Variants in ATP1A1 observed in about 807,000 individuals in gnomAD.
The protein encoded by ATP1A1 is ATPase Na+/K+ transporting subunit alpha 1.
In ATP1A1, 14 loss-of-function variants were observed where a neutral mutation model predicts 114.8. That is an observed-to-expected ratio of 0.12 (90% CI 0.08 to 0.19). The LOEUF is 0.19. Among genes scored for constraint, ATP1A1 ranks in the 10% least tolerant of loss-of-function variants. ATP1A1 has a pLI of 1.00. For missense variants in ATP1A1, 524 were observed against 1,290.7 expected (o/e 0.41, Z 9.10); for synonymous variants, 471 against 466.3 (o/e 1.01, Z -0.13).
At chr1:116,391,668 AT>A (rs1652479860) in intron 10 of ATP1A1, among the ~76,000 whole-genome samples, 1 of 152,210 alleles carries the variant, frequency 6.6e-6, no homozygotes. Flanking sequence ...GATAGGGTTC[AT>A]TTATTCTGCA....
Position 116,401,575 on chromosome 1 carries a change from C to T in ATP1A1, c.2871C>T (p.Gly957=), listed in dbSNP as rs778468462. The change falls in exon 21 of 23, where the codon GGC becomes GGT. Residue 957 remains glycine, a synonymous_variant. Transcript: ENST00000295598. The surrounding 1 kb of genome is among the most constrained non-coding windows in gnomAD (Gnocchi z 4.7). ...QGMKNKILIF[G]LFEETALAAF... ...TTAGGAACAAGATCTTGATATTTGG[C>T]CTCTTTGAAGAGACAGCCCTGGCTG... 6.2e-7 allele frequency: 1 copy of T among 1,614,196 alleles called. No homozygotes were observed. Among genetic ancestry groups the T allele is most frequent in the South Asian group, 1.1e-5 (1 of 91,080 alleles).
At position 116,397,807 on chromosome 1, in the gene ATP1A1, A is replaced by G. The variant is rs1311359697; in HGVS notation, c.1974-81A>G. On this transcript the variant is annotated intron_variant, in intron 14 of 22. Coordinates refer to ENST00000295598, the MANE Select transcript of ATP1A1 (RefSeq NM_000701.8). This position sits in a 1 kb window ranked among gnomAD's most constrained non-coding sequence, Gnocchi z 4.2. ...GTTTTGTTTACAAAGTGATCTGCAT[A>G]AGAATATCCCCTCTTGAGGTGATGG... 3.7e-5 allele frequency: 56 copies of G among 1,497,464 alleles called. No homozygotes were observed. The highest frequency in any genetic ancestry group is 2.1e-5 in the Non-Finnish European group (23 of 1,110,852). 92.8% of individuals were successfully genotyped at this position (1,497,464 alleles called of 1,614,324 possible). A position where few individuals can be genotyped will look rare whatever the true frequency, so the allele number is the denominator to read the frequency against.
At chr1:116,394,793 A>G (rs1652770786) in intron 12 of ATP1A1, among the ~76,000 whole-genome samples, 1 of 152,188 alleles carries the variant, frequency 6.6e-6, no homozygotes, top group African/African-American at 2.4e-5. Context: ...TGTCATCATC[A>G]GTGGGCAAGT....
chr1:116,374,533 G>A (rs1180530818), intron 1 of ATP1A1, among the ~76,000 whole-genome samples: 3 of 152,210 alleles, frequency 2.0e-5, no homozygotes, highest in African/African-American at 7.2e-5. Flanking sequence ...AGAGCGGCGC[G>A]GAGCGTGGTG....
At chr1:116,382,244 G>GT (rs1355919672) in intron 1 of ATP1A1, among the ~76,000 whole-genome samples, 2 of 152,116 alleles carry the variant, frequency 1.3e-5, no homozygotes, top group African/African-American at 2.4e-5. Context: ...TCTTTAAAAT[G>GT]TTTTTTAAGT....
At position 116,393,011 on chromosome 1, in the gene ATP1A1, G is replaced by A. The variant is rs144906663; in HGVS notation, c.1467+23G>A. On this transcript the variant is annotated intron_variant, in intron 11 of 22. Transcript: ENST00000295598. This position sits in a 1 kb window ranked among gnomAD's most constrained non-coding sequence, Gnocchi z 5.0. ...CAGGTCTGAAGATCGATGGGTACACGGAGGGCGAGGGCAAGCTGGGGGACA... is the reference window on the plus strand; with the variant it reads ...CAGGTCTGAAGATCGATGGGTACACAGAGGGCGAGGGCAAGCTGGGGGACA... 11,558 of 1,612,316 alleles carry A rather than the reference G, an allele frequency of 7.2e-3. 57 individuals are homozygous for A. The highest frequency in any genetic ancestry group is 8.2e-3 in the Non-Finnish European group (9,617 of 1,179,060).
intron 1 of ATP1A1, among the ~76,000 whole-genome samples, chr1:116,375,945 A>G (rs7528832): frequency 0.031 from 4,774 of 152,316 alleles, 290 homozygotes; most frequent in African/African-American, 0.11. Context: ...GCATTTGGTA[A>G]GAAAATGAAA....
chr1:116,402,559 T>C (rs1310968830), intron 21 of ATP1A1, among the ~76,000 whole-genome samples: 1 of 152,230 alleles, frequency 6.6e-6, no homozygotes, highest in African/African-American at 2.4e-5. Context: ...ACATCGTCTG[T>C]GGTGCAAGAT....
In ATP1A1 at chr1:116,397,471, C is replaced by T. The variant is rs1044274127; in HGVS notation, c.1974-417C>T. Among the ~76,000 whole-genome samples, 17 of 152,272 alleles carry T rather than the reference C, an allele frequency of 1.1e-4. No homozygotes were observed. The highest frequency in any genetic ancestry group is 4.1e-4 in the African/African-American group (17 of 41,550). ...AGTAGCTGGGATTACAGGCCCCAAC[C>T]ACCATGCCCGGCTAATTTTTGAATT... On this transcript the variant is annotated intron_variant, in intron 14 of 22. Transcript: ENST00000295598. This position sits in a 1 kb window ranked among gnomAD's most constrained non-coding sequence, Gnocchi z 4.2.
At position 116,387,486 on chromosome 1, in the gene ATP1A1, GATA is replaced by G; in HGVS notation, c.385_387del (p.Asn129del). 1 of 1,614,126 alleles carries G rather than the reference GATA, an allele frequency of 6.2e-7. No homozygotes were observed. Among genetic ancestry groups the G allele is most frequent in the Non-Finnish European group, 8.5e-7 (1 of 1,179,984 alleles). On this transcript the variant is annotated inframe_deletion and splice_region_variant, in exon 4 of 23. Transcript: ENST00000295598. This position sits in a 1 kb window ranked among gnomAD's most constrained non-coding sequence, Gnocchi z 6.7. The stretch of plus-strand genomic sequence containing the variant: ...TGCTACAGAAGAGGAACCTCAAAAC[GATA>G]ATGTGAGTTCTGTAATTCAGCATAT...
In ATP1A1 at chr1:116,398,776, T is replaced by C; in HGVS notation, c.2280T>C (p.Thr760=). The C allele has an allele frequency of 3.7e-6, 6 of 1,614,160 alleles. No homozygotes were observed. The highest frequency in any genetic ancestry group is 5.1e-6 in the Non-Finnish European group (6 of 1,180,006). The change falls in exon 16 of 23, where the codon ACT becomes ACC. Residue 760 remains threonine (T), a synonymous_variant. Coordinates refer to ENST00000295598, the MANE Select transcript of ATP1A1 (RefSeq NM_000701.8). The surrounding 1 kb of genome is among the most constrained non-coding windows in gnomAD (Gnocchi z 6.1). ...ATGACAACTTTGCCTCAATTGTGAC[T>C]GGAGTAGAGGAAGGTGAGAGCTATT... is the stretch of plus-strand genomic sequence containing the variant. ...LLDDNFASIV[T]GVEEGRLIFD... is the part of the protein sequence containing the mutation.
intron 10 of ATP1A1, 167 bp from the exon 11 acceptor site, chr1:116,392,687 G>A (rs538691986): frequency 2.4e-5 from 17 of 719,900 alleles, no homozygotes; most frequent in African/African-American, 1.8e-4. Context: ...AGCAGTGGTC[G>A]GGGCTAGAGG....
intron 10 of ATP1A1, among the ~76,000 whole-genome samples, 171 bp downstream of exon 10, chr1:116,391,062 G>T (rs550313593): frequency 6.6e-6 from 1 of 152,318 alleles, no homozygotes; most frequent in South Asian, 2.1e-4. Context: ...GTTGCCTGTA[G>T]ATCCTGATGT....
Position 116,389,888 on chromosome 1 carries a change from T to C in ATP1A1, c.1023+181T>C. The C allele has an allele frequency of 1.1e-6, 1 of 947,726 alleles. No homozygotes were observed. The allele number at this position is 947,726 out of a possible 1,614,324, so 58.7% of individuals were successfully genotyped here. On this transcript the variant is annotated intron_variant, in intron 8 of 22. Transcript: ENST00000295598. The surrounding 1 kb of genome is among the most constrained non-coding windows in gnomAD (Gnocchi z 6.9). ...GTGAGAAAACCTCAGCATTTGTTTA[T>C]ACGTAAGATAACCCCAAAGCATACA... is the stretch of plus-strand genomic sequence containing the variant.
Position 116,388,456 on chromosome 1 carries a change from T to G in ATP1A1, c.502-182T>G. On this transcript the variant is annotated intron_variant, in intron 5 of 22. Transcript: ENST00000295598. This position sits in a 1 kb window ranked among gnomAD's most constrained non-coding sequence, Gnocchi z 5.6. The stretch of plus-strand genomic sequence containing the variant: ...GTAAACTCTGAATACAGGCACACCA[T>G]GTAACAGCAATATCTCTTAAACTGG... 7.2e-6 allele frequency: 7 copies of G among 976,008 alleles called. No homozygotes were observed. The South Asian group carries it at 1.0e-4, about 14-fold the overall frequency. The allele number at this position is 976,008 out of a possible 1,614,324, so 60.5% of individuals were successfully genotyped here.
chr1:116,390,323 T>A lies in ATP1A1; in HGVS notation c.1134T>A (p.Thr378=). The stretch of plus-strand genomic sequence containing the variant: ...CGTCCACCATCTGCTCTGATAAAAC[T>A]GGAACTCTGACTCAGAACCGGATGA... The part of the protein sequence containing the change: ...GSTSTICSDK[T]GTLTQNRMTV... The change falls in exon 9 of 23, where the codon ACT becomes ACA. Residue 378 remains threonine (T), a synonymous_variant. Transcript: ENST00000295598. 1 of 1,614,106 alleles carries A rather than the reference T, an allele frequency of 6.2e-7. No homozygotes were observed. Among genetic ancestry groups the A allele is most frequent in the South Asian group, 1.1e-5 (1 of 91,078 alleles).
intron 13 of ATP1A1, among the ~76,000 whole-genome samples, chr1:116,396,276 C>CTTTTTTTTTT (rs367825500): frequency 9.7e-6 from 1 of 102,620 alleles, no homozygotes; most frequent in Non-Finnish European, 2.0e-5. Context: ...GATTTTTATC[C>CTTTTTTTTTT]TTTTTTTTTT....
Position 116,373,496 on chromosome 1 carries a change from A to G in ATP1A1, c.-16A>G. ...CCAGCGACAGGACCCGGCGCCGGGCACTGAGCACCGCCACCATGGGGAAGG... is the reference window on the plus strand; with the variant it reads ...CCAGCGACAGGACCCGGCGCCGGGCGCTGAGCACCGCCACCATGGGGAAGG... On this transcript the variant is annotated 5_prime_UTR_variant, in exon 1 of 23. Transcript: ENST00000295598. 1 of 1,483,464 alleles carries G rather than the reference A, an allele frequency of 6.7e-7. No individual in the cohort carries two copies. The highest frequency in any genetic ancestry group is 1.3e-5 in the South Asian group (1 of 79,650). 91.9% of individuals were successfully genotyped at this position (1,483,464 alleles called of 1,614,324 possible). A position where few individuals can be genotyped will look rare whatever the true frequency, so the allele number is the denominator to read the frequency against.
In ATP1A1 at chr1:116,378,030, G is replaced by A. The variant is rs150491985; in HGVS notation, c.12+4507G>A. On this transcript the variant is annotated intron_variant, in intron 1 of 22. Coordinates refer to ENST00000295598, the MANE Select transcript of ATP1A1 (RefSeq NM_000701.8). ...GAATTGAGTGTATGAGAGGAAGTGTGTATTCTTTGGCTGGAGTCATAGAGA... is the reference window on the plus strand; with the variant it reads ...GAATTGAGTGTATGAGAGGAAGTGTATATTCTTTGGCTGGAGTCATAGAGA... Among the ~76,000 whole-genome samples the A allele has an allele frequency of 5.6e-3, 858 of 152,306 alleles. 30 individuals carry two copies. The highest frequency in any genetic ancestry group is 0.052 in the Admixed American group (802 of 15,296).
Sources: allele counts gnomAD v4.1 joint callset (sites outside exome capture counted in the v4.1 genomes callset), GRCh38; gene constraint gnomAD v4.1.1; non-coding constraint Gnocchi (gnomAD v3.1); transcripts MANE v1.5; gene names NCBI Gene and HGNC (gene_info 2026-07-23, HGNC 2026-07-21).